The following DYM variants were observed in gnomAD, a reference collection of about 807,000 sequenced individuals.
DYM encodes the protein dymeclin, also known as dyggve-Melchior-Clausen syndrome protein.
A neutral mutation model predicts 93.1 loss-of-function variants in DYM; 78 were observed. That is an observed-to-expected ratio of 0.84 (90% CI 0.70 to 1.01). The LOEUF (loss-of-function observed/expected upper bound fraction) is 1.01, where lower values mean the gene tolerates loss of function less well. Ranked by LOEUF, DYM falls within the 50% of genes least tolerant of loss-of-function variation. The pLI is 0.00. For missense variants in DYM, 789 were observed against 845.0 expected, an observed-to-expected ratio of 0.93 and a Z score of 0.82; for synonymous variants, 321 against 319.7, an observed-to-expected ratio of 1.00 and a Z score of -0.04.
chr18:49,063,619 C>CTT (rs67482709), intron 17 of DYM, among the ~76,000 whole-genome samples: 67 of 71,950 alleles, frequency 9.3e-4, no homozygotes, highest in African/African-American at 1.4e-3. Context: ...CTTTCTCTCT[C>CTT]TTTTTTTTTT....
At chr18:49,432,645 G>C (rs1270517633) in intron 1 of DYM, among the ~76,000 whole-genome samples, 1 of 125,202 alleles carries the variant, frequency 8.0e-6, no homozygotes, top group Non-Finnish European at 1.6e-5. Context: ...TCACTCTGTT[G>C]CTGAGTACAA....
At chr18:49,380,072 CT>C (rs1278172783) in intron 3 of DYM, among the ~76,000 whole-genome samples, 2 of 149,738 alleles carry the variant, frequency 1.3e-5, no homozygotes, top group African/African-American at 4.9e-5. Context: ...AAATCTTTCT[CT>C]AGAAAGGAGA....
intron 15 of DYM, chr18:49,126,174 A>G (rs2082803059): frequency 6.6e-6 from 1 of 152,202 alleles, no homozygotes. Context: ...AACAGCCAGA[A>G]TTCCTACCGT....
intron 17 of DYM, among the ~76,000 whole-genome samples, chr18:49,068,547 G>A (rs545339953): frequency 2.6e-5 from 4 of 152,300 alleles, no homozygotes; most frequent in South Asian, 2.1e-4. Flanking sequence ...TTAAGTCATT[G>A]TAACAGCTTT....
chr18:49,314,361 T>C (rs2061793402), intron 8 of DYM, among the ~76,000 whole-genome samples: 1 of 152,228 alleles, frequency 6.6e-6, no homozygotes, highest in Non-Finnish European at 1.5e-5. Flanking sequence ...TTTTTATCCA[T>C]GCCACTGTTG....
chr18:49,245,589 A>C (rs1238232154), intron 13 of DYM, among the ~76,000 whole-genome samples: 1 of 152,210 alleles, frequency 6.6e-6, no homozygotes, highest in Non-Finnish European at 1.5e-5. Flanking sequence ...GGTAAATTCT[A>C]ATCAGACTGG....
rs564588218 is a variant in DYM, at chr18:49,294,536, G to A, written c.764-7920C>T. ...CAAGTTTTTTAAAGAAGTACTGACT[G>A]AAGACTACTTATCCTTAACATTCAA... On this transcript the variant is annotated intron_variant, in intron 8 of 17. Transcript: ENST00000675505. 3.3e-5 allele frequency among the ~76,000 whole-genome samples: 5 copies of A among 152,140 alleles called. No individual in the cohort carries two copies. The South Asian group carries it at 8.3e-4, about 25-fold the overall frequency.
intron 13 of DYM, among the ~76,000 whole-genome samples, chr18:49,250,071 A>G (rs1045910845): frequency 9.3e-4 from 141 of 152,364 alleles, no homozygotes; most frequent in African/African-American, 3.2e-3. Flanking sequence ...GGCAGCAGAC[A>G]TCTGCAAAAT....
intron 2 of DYM, among the ~76,000 whole-genome samples, chr18:49,417,399 C>T (rs538992350): frequency 9.9e-5 from 15 of 152,140 alleles, no homozygotes; most frequent in African/African-American, 3.6e-4. Context: ...ATCCTCCTGC[C>T]TCAGCCTCTC....
chr18:49,406,282 G>A (rs2071488255), intron 2 of DYM, among the ~76,000 whole-genome samples: 1 of 152,222 alleles, frequency 6.6e-6, no homozygotes, highest in East Asian at 1.9e-4. Flanking sequence ...TACTTTGGAT[G>A]TGCATGGTGG....
At chr18:49,293,318 A>G (rs919062543) in intron 8 of DYM, among the ~76,000 whole-genome samples, 34 of 152,186 alleles carry the variant, frequency 2.2e-4, no homozygotes, top group Admixed American at 3.3e-4. Flanking sequence ...AGAATAATTT[A>G]TAATCCTTTG....
intron 8 of DYM, among the ~76,000 whole-genome samples, chr18:49,330,065 A>G (rs1201572841): frequency 6.6e-6 from 1 of 152,208 alleles, no homozygotes; most frequent in African/African-American, 2.4e-5. Flanking sequence ...CAGAGAACGT[A>G]GCTGTGCTTT....
chr18:49,258,509 AAAGTTT>A lies in DYM; in HGVS notation c.1252-22_1252-17del, dbSNP rs1173993307. 1.4e-6 allele frequency: 2 copies of A among 1,448,786 alleles called. No homozygotes were observed. Among genetic ancestry groups the A allele is most frequent in the South Asian group, 2.3e-5 (2 of 87,696 alleles). 89.7% of individuals were successfully genotyped at this position (1,448,786 alleles called of 1,614,324 possible). On this transcript the variant is annotated splice_polypyrimidine_tract_variant and intron_variant, in intron 11 of 17. Coordinates refer to ENST00000675505, the MANE Select transcript of DYM (RefSeq NM_001353214.3). ...TTTTTAGTATCTGTAATGGGGAAGA[AAAGTTT>A]AAGTAAAAAATGATTGCTTTACAGA...
chr18:49,310,111 G>C (rs187119504), intron 8 of DYM, among the ~76,000 whole-genome samples: 38 of 152,320 alleles, frequency 2.5e-4, no homozygotes, highest in Admixed American at 8.5e-4. Context: ...GATTGTTTAA[G>C]AATAGGAAGT....
At chr18:49,086,050 A>G (rs1274990655) in intron 17 of DYM, among the ~76,000 whole-genome samples, 3 of 152,198 alleles carry the variant, frequency 2.0e-5, no homozygotes, top group African/African-American at 4.8e-5. Flanking sequence ...TTCCTTTCCT[A>G]CTGAAGAATG....
chr18:49,309,685 A>C (rs2061476186), intron 8 of DYM, among the ~76,000 whole-genome samples: 1 of 152,250 alleles, frequency 6.6e-6, no homozygotes, highest in African/African-American at 2.4e-5. Flanking sequence ...TAAACCATAG[A>C]TATATAAAGT....
rs533900606 is a variant in DYM, at chr18:49,197,091, T to A, written c.1625+12460A>T. On this transcript the variant is annotated intron_variant, in intron 14 of 17. Coordinates refer to ENST00000675505, the MANE Select transcript of DYM (RefSeq NM_001353214.3). Reference sequence around the variant, plus strand: ...CCATTCATGGAGATGAAAAGGTTTATGGAGAAAGCTTAAGAGTTCTCTTGG... The same window carrying A: ...CCATTCATGGAGATGAAAAGGTTTAAGGAGAAAGCTTAAGAGTTCTCTTGG... Among the ~76,000 whole-genome samples, 3 of 152,290 alleles carry A rather than the reference T, an allele frequency of 2.0e-5. No homozygotes were observed. In the East Asian group the frequency reaches 5.8e-4, roughly 29 times the overall value.
chr18:49,245,252 G>T (rs2094137310), intron 13 of DYM, among the ~76,000 whole-genome samples: 1 of 152,142 alleles, frequency 6.6e-6, no homozygotes, highest in African/African-American at 2.4e-5. Flanking sequence ...ACATGTATTT[G>T]AACAGTATGA....
At chr18:49,402,741 T>C (rs1453562025) in intron 2 of DYM, among the ~76,000 whole-genome samples, 1 of 152,222 alleles carries the variant, frequency 6.6e-6, no homozygotes, top group African/African-American at 2.4e-5. Context: ...ATACACCAAG[T>C]GCACTCTACC....
Sources: allele counts gnomAD v4.1 joint callset (sites outside exome capture counted in the v4.1 genomes callset), GRCh38; gene constraint gnomAD v4.1.1; transcripts MANE v1.5; gene names NCBI Gene and HGNC (gene_info 2026-07-23, HGNC 2026-07-21).